Variants in TMPPE observed in about 807,000 individuals in gnomAD.
TMPPE encodes transmembrane protein with metallophosphoesterase domain.
A neutral mutation model predicts 22.6 loss-of-function variants in TMPPE; 16 were observed. The observed-to-expected ratio is 0.71, with a 90% CI of 0.48 to 1.08. The LOEUF is 1.08. Among genes scored for constraint, TMPPE ranks in the 50% least tolerant of loss-of-function variants. The pLI is 0.00. For missense variants in TMPPE, 526 were observed against 584.3 expected (o/e 0.90, Z 1.03); for synonymous variants, 240 against 245.3 (o/e 0.98, Z 0.20).
In TMPPE at chr3:33,090,560, T is replaced by C. The variant is rs139306479; in HGVS notation, c.*2274A>G. On this transcript the variant is annotated 3_prime_UTR_variant, in exon 2 of 2. Coordinates refer to ENST00000342462, the MANE Select transcript of TMPPE (RefSeq NM_001039770.3). ...ATTAAAAATAAAGAAACAAATGAAA[T>C]TGAAAGAATGATCAAGCTTCAAGTA... 4.8e-3 allele frequency: 4,753 copies of C among 985,314 alleles called. 13 individuals are homozygous for C. Among genetic ancestry groups the C allele is most frequent in the Middle Eastern group, 0.017 (33 of 1,914 alleles). 61.0% of individuals were successfully genotyped at this position (985,314 alleles called of 1,614,324 possible). A position where few individuals can be genotyped will look rare whatever the true frequency, so the allele number is the denominator to read the frequency against.
rs1292669471 is a variant in TMPPE, at chr3:33,091,115, G to A, written c.*1719C>T. ...GTGAAATCCAAAGCGAGAACTTAAAGGGAGTAAGGATGATTCACAAAATGC... is the reference window on the plus strand; with the variant it reads ...GTGAAATCCAAAGCGAGAACTTAAAAGGAGTAAGGATGATTCACAAAATGC... On this transcript the variant is annotated 3_prime_UTR_variant, in exon 2 of 2. Transcript: ENST00000342462. The A allele has an allele frequency of 3.0e-6, 3 of 985,424 alleles. No homozygotes were observed. In the East Asian group the frequency reaches 3.4e-4, roughly 112 times the overall value. 61.0% of individuals were successfully genotyped at this position (985,424 alleles called of 1,614,324 possible).
chr3:33,092,847 T>A lies in TMPPE; in HGVS notation c.1349A>T (p.Gln450Leu). 1 of 1,605,006 alleles carries A rather than the reference T, an allele frequency of 6.2e-7. No individual in the cohort carries two copies. The highest frequency in any genetic ancestry group is 8.5e-7 in the Non-Finnish European group (1 of 1,174,560). The change falls in exon 2 of 2, where the codon CAG becomes CTG. Residue 450 changes from glutamine (Q) to leucine (L), a missense_variant. Transcript: ENST00000342462. The stretch of plus-strand genomic sequence containing the variant: ...GGCAGGGCCAGTTCAGGGAGACCGC[T>A]GCAGGATGAGCTCTGTGATCTCGGC... ...SRAEITELILQRSP is the reference protein window; with the variant it reads ...SRAEITELILLRSP
rs150637019 is a variant in TMPPE, at chr3:33,092,915, T to C, written c.1281A>G (p.Pro427=). Reference sequence around the variant, plus strand: ...TGGGTATCCCGTAGTAGGCTGTGCCTGGGCTGACATACACGAATGTAGCCT... The same window carrying C: ...TGGGTATCCCGTAGTAGGCTGTGCCCGGGCTGACATACACGAATGTAGCCT... ...VAQATFVYVS[P]GTAYYGIPMR... Residue 427 remains proline (P), a synonymous_variant, in exon 2 of 2, where the codon CCA becomes CCG. Coordinates refer to ENST00000342462, the MANE Select transcript of TMPPE (RefSeq NM_001039770.3). 4 of 1,614,088 alleles carry C rather than the reference T, an allele frequency of 2.5e-6. No individual in the cohort carries two copies. The African/African-American group carries it at 4.0e-5, about 16-fold the overall frequency.
chr3:33,096,115 T>TA (rs1437329163), intron 1 of TMPPE, among the ~76,000 whole-genome samples: 1 of 152,198 alleles, frequency 6.6e-6, no homozygotes, highest in Non-Finnish European at 1.5e-5. Context: ...AGCTCTTACT[T>TA]AAAGCATACT....
Position 33,092,061 on chromosome 3 carries a change from C to G in TMPPE, c.*773G>C, listed in dbSNP as rs968524349. 4.1e-6 allele frequency: 4 copies of G among 985,304 alleles called. No homozygotes were observed. The highest frequency in any genetic ancestry group is 4.8e-6 in the Non-Finnish European group (4 of 830,008). 61.0% of individuals were successfully genotyped at this position (985,304 alleles called of 1,614,324 possible). On this transcript the variant is annotated 3_prime_UTR_variant, in exon 2 of 2. Transcript: ENST00000342462. ...AGCAGCCTGTCCCCAGTGAGCTCCC[C>G]GAAGGGTTGTATAAAATGAGACAAG...
At position 33,092,617 on chromosome 3, in the gene TMPPE, G is replaced by A. The variant is rs1156957923; in HGVS notation, c.*217C>T. On this transcript the variant is annotated 3_prime_UTR_variant, in exon 2 of 2. Coordinates refer to ENST00000342462, the MANE Select transcript of TMPPE (RefSeq NM_001039770.3). ...ATGTGACCTTAGTGATCTCACAAGT[G>A]CATCAAAAAAAGCAACTGGCCAAGG... 2 of 1,361,090 alleles carry A rather than the reference G, an allele frequency of 1.5e-6. No individual in the cohort carries two copies. Among genetic ancestry groups the A allele is most frequent in the African/African-American group, 1.4e-5 (1 of 68,984 alleles). The allele number at this position is 1,361,090 out of a possible 1,614,324, so 84.3% of individuals were successfully genotyped here.
Position 33,093,637 on chromosome 3 carries a change from GC to G in TMPPE, c.558del (p.Gln186HisfsTer5). 6.2e-7 allele frequency: 1 copy of G among 1,614,158 alleles called. No homozygotes were observed. The highest frequency in any genetic ancestry group is 8.5e-7 in the Non-Finnish European group (1 of 1,180,032). On this transcript the variant is annotated frameshift_variant, in exon 2 of 2. Transcript: ENST00000342462. LOFTEE classifies it high-confidence loss of function. This position sits in a 1 kb window ranked among gnomAD's most constrained non-coding sequence, Gnocchi z 6.0. ...ACCTCCACAGTTTTCACAGCCGGGGGCTGCGCGGCATTCAGAATCCCGGCCA... is the reference window on the plus strand; with the variant it reads ...ACCTCCACAGTTTTCACAGCCGGGGGTGCGCGGCATTCAGAATCCCGGCCA... ...LSVAGILNAA[Q>X]PPAVKTVEVP...
intron 1 of TMPPE, among the ~76,000 whole-genome samples, chr3:33,094,594 G>A (rs1163037948): frequency 6.6e-6 from 1 of 152,194 alleles, no homozygotes; most frequent in Non-Finnish European, 1.5e-5. Flanking sequence ...GTGTGGTCTG[G>A]AGAGAGCCCT....
chr3:33,096,398 TC>T, intron 1 of TMPPE: 49 of 952,420 alleles, frequency 5.1e-5, no homozygotes, highest in Middle Eastern at 5.5e-4. Context: ...GCCTGCCTAT[TC>T]CCCCCCTCAA....
At position 33,096,815 on chromosome 3, in the gene TMPPE, C is replaced by A; in HGVS notation, c.-205G>T. Reference sequence around the variant, plus strand: ...AGCGACCGAGCTGCCTGGAAGGACGCGCGCCCCGCCCGGCCCGCCCCCGAC... The same window carrying A: ...AGCGACCGAGCTGCCTGGAAGGACGAGCGCCCCGCCCGGCCCGCCCCCGAC... On this transcript the variant is annotated 5_prime_UTR_variant, in exon 1 of 2. Transcript: ENST00000342462. The A allele has an allele frequency of 7.3e-7, 1 of 1,362,990 alleles. No individual in the cohort carries two copies. The highest frequency in any genetic ancestry group is 9.4e-7 in the Non-Finnish European group (1 of 1,061,684). The allele number at this position is 1,362,990 out of a possible 1,614,324, so 84.4% of individuals were successfully genotyped here.
chr3:33,092,309 T>A lies in TMPPE; in HGVS notation c.*525A>T. On this transcript the variant is annotated 3_prime_UTR_variant, in exon 2 of 2. Transcript: ENST00000342462. Reference sequence around the variant, plus strand: ...ATAGAATCAGAGGAAAAGAAAATATTCTTCTCTAGCAGCCAGAGGGCCCTT... The same window carrying A: ...ATAGAATCAGAGGAAAAGAAAATATACTTCTCTAGCAGCCAGAGGGCCCTT... 1.0e-6 allele frequency: 1 copy of A among 986,924 alleles called. No homozygotes were observed. Among genetic ancestry groups the A allele is most frequent in the Non-Finnish European group, 1.2e-6 (1 of 831,012 alleles). 61.1% of individuals were successfully genotyped at this position (986,924 alleles called of 1,614,324 possible).
chr3:33,096,957 C>T lies in TMPPE; in HGVS notation c.-347G>A. 6.3e-7 allele frequency: 1 copy of T among 1,592,284 alleles called. No individual in the cohort carries two copies. Among genetic ancestry groups the T allele is most frequent in the Non-Finnish European group, 8.5e-7 (1 of 1,170,304 alleles). ...GTGGCTGCGACCCCAGCCCGGTTCCCCGCCAGCCTGTCCCCTAGCAATGCC... is the reference window on the plus strand; with the variant it reads ...GTGGCTGCGACCCCAGCCCGGTTCCTCGCCAGCCTGTCCCCTAGCAATGCC... On this transcript the variant is annotated 5_prime_UTR_variant, in exon 1 of 2. Transcript: ENST00000342462.
Position 33,091,155 on chromosome 3 carries a change from A to G in TMPPE, c.*1679T>C. 2 of 985,468 alleles carry G rather than the reference A, an allele frequency of 2.0e-6. No homozygotes were observed. Among genetic ancestry groups the G allele is most frequent in the Non-Finnish European group, 2.4e-6 (2 of 829,958 alleles). 61.0% of individuals were successfully genotyped at this position (985,468 alleles called of 1,614,324 possible). On this transcript the variant is annotated 3_prime_UTR_variant, in exon 2 of 2. Transcript: ENST00000342462. ...TCACAAAATGCGGTCGGGACACAAG[A>G]AAAGTGAGTTTGGAAGGACAGTGAA...
At chr3:33,096,651 G>A (rs1701042032) in intron 1 of TMPPE, 68 bp downstream of exon 1, 2 of 1,099,570 alleles carry the variant, frequency 1.8e-6, no homozygotes, top group Admixed American at 1.1e-4. Flanking sequence ...AGAGCCGGAG[G>A]CACCCTCTAA....
Position 33,096,962 on chromosome 3 carries a change from A to G in TMPPE, c.-352T>C. 6.3e-7 allele frequency: 1 copy of G among 1,598,310 alleles called. No individual in the cohort carries two copies. Among genetic ancestry groups the G allele is most frequent in the South Asian group, 1.1e-5 (1 of 88,974 alleles). ...TGCGACCCCAGCCCGGTTCCCCGCC[A>G]GCCTGTCCCCTAGCAATGCCTCCCC... On this transcript the variant is annotated 5_prime_UTR_variant, in exon 1 of 2. Coordinates refer to ENST00000342462, the MANE Select transcript of TMPPE (RefSeq NM_001039770.3).
In TMPPE at chr3:33,090,710, G is replaced by C; in HGVS notation, c.*2124C>G. On this transcript the variant is annotated 3_prime_UTR_variant, in exon 2 of 2. Coordinates refer to ENST00000342462, the MANE Select transcript of TMPPE (RefSeq NM_001039770.3). ...CAGGGCCAGAATCTGGACAGTGATG[G>C]AGAAATTTCTGCTGCAAAAATGTCC... 1.0e-6 allele frequency: 1 copy of C among 985,398 alleles called. No individual in the cohort carries two copies. The highest frequency in any genetic ancestry group is 1.1e-4 in the East Asian group (1 of 8,818). 61.0% of individuals were successfully genotyped at this position (985,398 alleles called of 1,614,324 possible). A position where few individuals can be genotyped will look rare whatever the true frequency, so the allele number is the denominator to read the frequency against.
chr3:33,093,072 T>C lies in TMPPE; in HGVS notation c.1124A>G (p.Lys375Arg). ...ILLAHQPLAA[K>R]RALQARPDIN... Reference sequence around the variant, plus strand: ...ATCTGGCCGAGCCTGGAGAGCTCTCTTGGCAGCCAGGGGCTGGTGAGCTAG... The same window carrying C: ...ATCTGGCCGAGCCTGGAGAGCTCTCCTGGCAGCCAGGGGCTGGTGAGCTAG... Residue 375 changes from lysine to arginine, a missense_variant, in exon 2 of 2, where the codon AAG becomes AGG. Physicochemically the swap from Lys to Arg is conservative, Grantham distance 26. Transcript: ENST00000342462. This position sits in a 1 kb window ranked among gnomAD's most constrained non-coding sequence, Gnocchi z 6.0. 2 of 1,614,208 alleles carry C rather than the reference T, an allele frequency of 1.2e-6. No homozygotes were observed. Among genetic ancestry groups the C allele is most frequent in the Non-Finnish European group, 1.7e-6 (2 of 1,180,024 alleles).
rs2125585954 is a variant in TMPPE at position 33,093,689 on chromosome 3, T to C, written c.507A>G (p.Ala169=). Residue 169 remains alanine (A), a synonymous_variant, in exon 2 of 2, where the codon GCA becomes GCG. Coordinates refer to ENST00000342462, the MANE Select transcript of TMPPE (RefSeq NM_001039770.3). This position sits in a 1 kb window ranked among gnomAD's most constrained non-coding sequence, Gnocchi z 6.0. ...TRKLVLRPAL[A]VGVTAVLSVA... is the part of the protein sequence containing the mutation. ...CGCTGAGCACAGCAGTCACTCCCAC[T>C]GCCAGGGCAGGCCTGAGCACGAGCT... The C allele has an allele frequency of 6.2e-7, 1 of 1,614,186 alleles. No homozygotes were observed. The highest frequency in any genetic ancestry group is 8.5e-7 in the Non-Finnish European group (1 of 1,180,028).
intron 1 of TMPPE, among the ~76,000 whole-genome samples, chr3:33,095,016 GC>G (rs1317278860): frequency 1.3e-5 from 2 of 152,010 alleles, no homozygotes; most frequent in Non-Finnish European, 2.9e-5. Flanking sequence ...TTCAAGACCA[GC>G]CTGGCCAACA....
Sources: allele counts gnomAD v4.1 joint callset (sites outside exome capture counted in the v4.1 genomes callset), GRCh38; gene constraint gnomAD v4.1.1; non-coding constraint Gnocchi (gnomAD v3.1); transcripts MANE v1.5; gene names NCBI Gene and HGNC (gene_info 2026-07-23, HGNC 2026-07-21).